IMMP2L: variants seen among roughly 807,000 people sequenced by gnomAD.
IMMP2L encodes the protein inner mitochondrial membrane peptidase subunit 2.
In IMMP2L, 18 loss-of-function variants were observed where a neutral mutation model predicts 19.3. The ratio of observed to expected loss-of-function variants is 0.93; its 90% CI spans 0.64 to 1.38. The LOEUF is 1.38. IMMP2L is among the 40% of genes most tolerant of loss of function. IMMP2L has a pLI of 0.00. For synonymous variants in IMMP2L, 76 were observed against 73.0 expected, an observed-to-expected ratio of 1.04 and a Z score of -0.21; for missense variants, 233 against 218.2, an observed-to-expected ratio of 1.07 and a Z score of -0.43.
chr7:111,217,173 G>A (rs776034883), intron 3 of IMMP2L, among the ~76,000 whole-genome samples: 2 of 147,552 alleles, frequency 1.4e-5, no homozygotes, highest in Non-Finnish European at 3.0e-5. Flanking sequence ...ATGCAGTGGA[G>A]TTAAAATGTT....
intron 3 of IMMP2L, among the ~76,000 whole-genome samples, chr7:111,385,090 T>G (rs1374449437): frequency 6.6e-6 from 1 of 152,116 alleles, no homozygotes; most frequent in East Asian, 1.9e-4. Context: ...ACCTCTTTCT[T>G]ATAGGGAAGA....
chr7:111,526,487 G>A (rs986994337), intron 1 of IMMP2L, among the ~76,000 whole-genome samples: 3 of 152,116 alleles, frequency 2.0e-5, no homozygotes, highest in African/African-American at 7.2e-5. Flanking sequence ...AAAACAGAAA[G>A]ATGGTATCTG....
At chr7:110,943,297 A>C (rs1384400734) in intron 4 of IMMP2L, among the ~76,000 whole-genome samples, 2 of 151,964 alleles carry the variant, frequency 1.3e-5, no homozygotes, top group Admixed American at 1.3e-4. Flanking sequence ...GTACATGCTC[A>C]TTCGATGTGT....
intron 3 of IMMP2L, among the ~76,000 whole-genome samples, chr7:111,183,042 G>A (rs568105969): frequency 1.3e-5 from 2 of 152,016 alleles, no homozygotes; most frequent in South Asian, 4.2e-4. Context: ...TATATAAAGT[G>A]GTTAAGACAT....
At chr7:111,029,145 C>T (rs2129568403) in intron 3 of IMMP2L, among the ~76,000 whole-genome samples, 1 of 152,226 alleles carries the variant, frequency 6.6e-6, no homozygotes, top group South Asian at 2.1e-4. Context: ...TGCTTGAGTT[C>T]TCAATAGATT....
At chr7:111,138,510 A>T (rs371630170) in intron 3 of IMMP2L, among the ~76,000 whole-genome samples, 9 of 152,326 alleles carry the variant, frequency 5.9e-5, no homozygotes, top group African/African-American at 2.2e-4. Context: ...AGGCAATATA[A>T]TTCATTGTTT....
rs779100072 is a variant in IMMP2L at position 111,289,206 on chromosome 7, G to A, written c.239+198032C>T. ...CACCACATGTTCTCACTCATAAGTG[G>A]GAGCTGATCAATGAGAACACATGGA... is the stretch of plus-strand genomic sequence containing the variant. On this transcript the variant is annotated intron_variant, in intron 3 of 5. Coordinates refer to ENST00000405709, the MANE Select transcript of IMMP2L (RefSeq NM_032549.4). 1.2e-4 allele frequency among the ~76,000 whole-genome samples: 18 copies of A among 151,934 alleles called. No homozygotes were observed. The South Asian group carries it at 1.3e-3, about 11-fold the overall frequency.
intron 3 of IMMP2L, among the ~76,000 whole-genome samples, chr7:111,266,544 CAAA>C (rs530670317): frequency 1.0e-4 from 9 of 88,746 alleles, no homozygotes; most frequent in South Asian, 7.3e-4. Context: ...CTATGTCTCC[CAAA>C]AAAAAAAAAA....
chr7:111,124,144 A>G, intron 3 of IMMP2L: 1 of 1,613,994 alleles, frequency 6.2e-7, no homozygotes, highest in Non-Finnish European at 8.5e-7. Flanking sequence ...CTACTGGATA[A>G]CACCTTCTGG....
chr7:110,878,064 G>A (rs770174918), intron 5 of IMMP2L, among the ~76,000 whole-genome samples: 9 of 152,116 alleles, frequency 5.9e-5, no homozygotes, highest in African/African-American at 2.2e-4. Flanking sequence ...TCAGCTTGGA[G>A]GCCACAGATT....
intron 5 of IMMP2L, among the ~76,000 whole-genome samples, chr7:110,850,801 G>A (rs1020181309): frequency 6.6e-6 from 1 of 151,658 alleles, no homozygotes; most frequent in African/African-American, 2.4e-5. Context: ...GCTGACAAAA[G>A]TAATATAAAA....
At chr7:111,140,289 C>T (rs909213741) in intron 3 of IMMP2L, among the ~76,000 whole-genome samples, 3 of 152,100 alleles carry the variant, frequency 2.0e-5, no homozygotes, top group Non-Finnish European at 4.4e-5. Context: ...CTGCTCTTTA[C>T]TGCCCTGTAA....
At chr7:111,222,750 A>G (rs1042790465) in intron 3 of IMMP2L, among the ~76,000 whole-genome samples, 2 of 152,086 alleles carry the variant, frequency 1.3e-5, no homozygotes, top group African/African-American at 4.8e-5. Flanking sequence ...TAGCAAAACT[A>G]CTTTTGAAAA....
chr7:111,483,244 A>G (rs1414897109), intron 3 of IMMP2L, among the ~76,000 whole-genome samples: 1 of 152,178 alleles, frequency 6.6e-6, no homozygotes, highest in South Asian at 2.1e-4. Context: ...AAATGTGATT[A>G]TTTAGGACTT....
chr7:110,716,883 G>A (rs890173325), intron 5 of IMMP2L, among the ~76,000 whole-genome samples: 1 of 152,132 alleles, frequency 6.6e-6, no homozygotes, highest in Non-Finnish European at 1.5e-5. Context: ...TAAAGTCAAA[G>A]CAATTCTCAG....
chr7:111,535,844 C>T lies in IMMP2L; in HGVS notation c.-2-14395G>A, dbSNP rs115018390. Among the ~76,000 whole-genome samples, 537 of 152,084 alleles carry T rather than the reference C, an allele frequency of 3.5e-3. 5 individuals carry two copies. Among genetic ancestry groups the T allele is most frequent in the African/African-American group, 0.012 (507 of 41,486 alleles). On this transcript the variant is annotated intron_variant, in intron 1 of 5. Transcript: ENST00000405709. ...TGCTGTGGGGCCCTGGAAGCAAAAC[C>T]ATATAGAAGTAGCAATGAGTATATG...
At chr7:111,110,768 A>T (rs1406825718) in intron 3 of IMMP2L, among the ~76,000 whole-genome samples, 2 of 152,208 alleles carry the variant, frequency 1.3e-5, no homozygotes, top group African/African-American at 4.8e-5. Flanking sequence ...AATACCAGTT[A>T]TTTAATTATA....
chr7:111,397,548 T>C (rs1299030739), intron 3 of IMMP2L, among the ~76,000 whole-genome samples: 1 of 152,152 alleles, frequency 6.6e-6, no homozygotes, highest in Non-Finnish European at 1.5e-5. Flanking sequence ...TTCTCCAATA[T>C]CTATAAAAGT....
chr7:111,470,131 T>C (rs1037025368), intron 3 of IMMP2L, among the ~76,000 whole-genome samples: 10 of 152,096 alleles, frequency 6.6e-5, no homozygotes, highest in Admixed American at 4.6e-4. Flanking sequence ...AAAATGCTCA[T>C]CATCACTGGC....
Sources: allele counts gnomAD v4.1 joint callset (sites outside exome capture counted in the v4.1 genomes callset), GRCh38; gene constraint gnomAD v4.1.1; transcripts MANE v1.5; gene names NCBI Gene and HGNC (gene_info 2026-07-23, HGNC 2026-07-21).